ZNF10: variants seen among roughly 807,000 people sequenced by gnomAD.
The protein encoded by ZNF10 is zinc finger protein 10.
ZNF10 carries 8 observed loss-of-function variants against 12.2 expected under a neutral mutation model. That is an observed-to-expected ratio of 0.66 (90% CI 0.39 to 1.18). The LOEUF is 1.18. Among genes scored for constraint, ZNF10 ranks in the 50% most tolerant of loss-of-function variants. The pLI, the probability that ZNF10 is intolerant of heterozygous loss-of-function variation, is 0.01. For synonymous variants in ZNF10, 229 were observed against 228.2 expected, an observed-to-expected ratio of 1.00 and a Z score of -0.03; for missense variants, 603 against 678.9, an observed-to-expected ratio of 0.89 and a Z score of 1.24.
rs115822361 is a variant in ZNF10, at chr12:133,153,844, A to T, written c.257-1659A>T. Among the ~76,000 whole-genome samples the T allele has an allele frequency of 2.8e-3, 424 of 152,218 alleles. 1 individual carries two copies. The highest frequency in any genetic ancestry group is 9.3e-3 in the African/African-American group (387 of 41,542). ...AGTGGGGCTCTGCTACGCTTCTAGG[A>T]GAGGGTCTTTCCTTATCTCTTCCAG... On this transcript the variant is annotated intron_variant, in intron 4 of 4. Transcript: ENST00000248211.
chr12:133,138,387 TAAAA>T (rs139776989), intron 1 of ZNF10, among the ~76,000 whole-genome samples: 1 of 140,376 alleles, frequency 7.1e-6, no homozygotes. Context: ...AGACCCTGTC[TAAAA>T]AAAAAAAAAA....
intron 1 of ZNF10, among the ~76,000 whole-genome samples, chr12:133,135,444 C>T (rs1269960976): frequency 6.6e-6 from 1 of 152,182 alleles, no homozygotes; most frequent in Non-Finnish European, 1.5e-5. Flanking sequence ...CAGCTTTCCT[C>T]TGTGGCATCG....
rs1328336020 is a variant in ZNF10 at position 133,155,866 on chromosome 12, G to T, written c.620G>T (p.Ser207Ile). 1 of 1,613,490 alleles carries T rather than the reference G, an allele frequency of 6.2e-7. No homozygotes were observed. Among genetic ancestry groups the T allele is most frequent in the African/African-American group, 1.3e-5 (1 of 75,054 alleles). ...TTAGTTCTTAATGGTCATCAGGACA[G>T]TTGTGCAAGTAACAGTAATGAATGT... is the stretch of plus-strand genomic sequence containing the variant. ...HDLVLNGHQD[S>I]CASNSNECGQ... Residue 207 changes from serine to isoleucine, a missense_variant, in exon 5 of 5, where the codon AGT becomes ATT. By Grantham distance (142) the Ser-to-Ile change is moderately radical. Coordinates refer to ENST00000248211, the MANE Select transcript of ZNF10 (RefSeq NM_015394.5).
At position 133,156,121 on chromosome 12, in the gene ZNF10, C is replaced by G. The variant is rs745573862; in HGVS notation, c.875C>G (p.Pro292Arg). The G allele has an allele frequency of 6.2e-7, 1 of 1,613,394 alleles. No individual in the cohort carries two copies. Among genetic ancestry groups the G allele is most frequent in the Admixed American group, 1.7e-5 (1 of 60,012 alleles). The change falls in exon 5 of 5, where the codon CCC becomes CGC. Residue 292 changes from proline to arginine, a missense_variant. By Grantham distance (103) the Pro-to-Arg change is moderately radical (BLOSUM62 -2). This residue lies in a region of ZNF10 where 393 missense variants were observed against 399.7 expected (regional missense o/e 0.98). Transcript: ENST00000248211. ...RHQLIHTGEK[P>R]YECKECGKSF... ...CAGCTTATTCATACTGGAGAAAAAC[C>G]CTATGAGTGTAAAGAATGTGGAAAG... is the stretch of plus-strand genomic sequence containing the variant.
rs376564607 is a variant in ZNF10, at chr12:133,156,581, C to T, written c.1335C>T (p.Ser445=). The T allele has an allele frequency of 4.3e-6, 7 of 1,613,394 alleles. No homozygotes were observed. In the African/African-American group the frequency reaches 9.3e-5, roughly 22 times the overall value. Reference sequence around the variant, plus strand: ...ATTGTGGAAAATGTTTTAGTCGAAGCTCTCACCTTTATTCACATCAAAGAA... The same window carrying T: ...ATTGTGGAAAATGTTTTAGTCGAAGTTCTCACCTTTATTCACATCAAAGAA... ...CKDCGKCFSR[S]SHLYSHQRTH... The change falls in exon 5 of 5, where the codon AGC becomes AGT. Residue 445 remains serine, a synonymous_variant. Transcript: ENST00000248211.
chr12:133,144,405 C>G (rs1332586062), intron 1 of ZNF10, 29 bp from the exon 2 acceptor site: 1 of 1,465,030 alleles, frequency 6.8e-7, no homozygotes, highest in African/African-American at 1.4e-5. Context: ...TCATAGCAAA[C>G]TTAACTTATG....
rs564822076 is a variant in ZNF10, at chr12:133,140,262, T to C, written c.-59-4172T>C. ...GTGCAGTGGCTCACACCTGTAGTTC[T>C]ATCTACTTGGGAGGCTGAGGAGGGA... On this transcript the variant is annotated intron_variant, in intron 1 of 4. Coordinates refer to ENST00000248211, the MANE Select transcript of ZNF10 (RefSeq NM_015394.5). Among the ~76,000 whole-genome samples, 7 of 146,502 alleles carry C rather than the reference T, an allele frequency of 4.8e-5. No homozygotes were observed. The East Asian group carries it at 1.5e-3, about 30-fold the overall frequency.
chr12:133,131,420 A>G (rs774687892), intron 1 of ZNF10, among the ~76,000 whole-genome samples: 2 of 152,154 alleles, frequency 1.3e-5, no homozygotes, highest in Admixed American at 1.3e-4. Context: ...CCCAAAGTGT[A>G]TGCAGAAGGT....
At chr12:133,153,059 CTTCT>C (rs1015065500) in intron 4 of ZNF10, among the ~76,000 whole-genome samples, 3 of 151,596 alleles carry the variant, frequency 2.0e-5, no homozygotes, top group Admixed American at 6.6e-5. Context: ...TATTACTTAC[CTTCT>C]TTCTTTCTTT....
rs145313515 is a variant in ZNF10, at chr12:133,135,434, C to G, written c.-60+4680C>G. On this transcript the variant is annotated intron_variant, in intron 1 of 4. Coordinates refer to ENST00000248211, the MANE Select transcript of ZNF10 (RefSeq NM_015394.5). ...ACATCATCAGGCAGAGGATTTGAAA[C>G]AGCTTTCCTCTGTGGCATCGCAGTG... 3.2e-3 allele frequency among the ~76,000 whole-genome samples: 494 copies of G among 152,286 alleles called. 1 individual carries two copies. Among genetic ancestry groups the G allele is most frequent in the Admixed American group, 4.8e-3 (73 of 15,306 alleles).
At chr12:133,144,768 T>G in intron 2 of ZNF10, 2 of 500,694 alleles carry the variant, frequency 4.0e-6, no homozygotes, top group Non-Finnish European at 7.3e-6. Flanking sequence ...GTGGAAAATA[T>G]GACAGAATGG....
chr12:133,142,410 C>CAAAA (rs370374280), intron 1 of ZNF10, among the ~76,000 whole-genome samples: 60,070 of 107,342 alleles, frequency 0.56, 15,857 homozygotes, highest in Non-Finnish European at 0.6. Context: ...ACTCCGTCTC[C>CAAAA]AAAAAAAAAA....
intron 2 of ZNF10, among the ~76,000 whole-genome samples, chr12:133,149,620 G>A (rs1407090991): frequency 6.6e-6 from 1 of 150,686 alleles, no homozygotes; most frequent in Non-Finnish European, 1.5e-5. Flanking sequence ...GCCTTCCAAA[G>A]TGCTGGGATT....
chr12:133,149,860 T>C (rs1178190316), intron 2 of ZNF10, among the ~76,000 whole-genome samples: 1 of 152,212 alleles, frequency 6.6e-6, no homozygotes, highest in Non-Finnish European at 1.5e-5. Context: ...CTTAATGTCT[T>C]GGTTTTTCAG....
At chr12:133,155,267 G>GTGTCA (rs1956032298) in intron 4 of ZNF10, among the ~76,000 whole-genome samples, 1 of 152,130 alleles carries the variant, frequency 6.6e-6, no homozygotes, top group African/African-American at 2.4e-5. Context: ...CTGATCCCAT[G>GTGTCA]TGTCATGCTG....
intron 1 of ZNF10, among the ~76,000 whole-genome samples, chr12:133,131,212 TG>T (rs35909776): frequency 0.6 from 91,857 of 151,906 alleles, 28,767 homozygotes; most frequent in African/African-American, 0.73. Flanking sequence ...TCCTCATCTT[TG>T]TTTTGTTTTT....
At chr12:133,151,269 T>A in intron 3 of ZNF10, 115 bp downstream of exon 3, 1 of 1,082,112 alleles carries the variant, frequency 9.2e-7, no homozygotes, top group Non-Finnish European at 1.3e-6. Context: ...CCTAATTTCT[T>A]TGAGGCATAG....
chr12:133,146,438 T>C (rs547752860), intron 2 of ZNF10, among the ~76,000 whole-genome samples: 10 of 152,302 alleles, frequency 6.6e-5, no homozygotes, highest in African/African-American at 2.2e-4. Context: ...ACAGATCTCA[T>C]AGGACATTCC....
intron 1 of ZNF10, among the ~76,000 whole-genome samples, chr12:133,142,210 G>T (rs1246461135): frequency 2.0e-5 from 3 of 152,140 alleles, no homozygotes; most frequent in Admixed American, 2.0e-4. Context: ...ATCACCTGAG[G>T]TCAGGAGTTC....
Sources: allele counts gnomAD v4.1 joint callset (sites outside exome capture counted in the v4.1 genomes callset), GRCh38; gene constraint gnomAD v4.1.1; regional missense constraint gnomAD v4.1.1; transcripts MANE v1.5; gene names NCBI Gene and HGNC (gene_info 2026-07-23, HGNC 2026-07-21).